GALNT6: variants seen among roughly 807,000 people sequenced by gnomAD.
The protein encoded by GALNT6 is GalNAc transferase 6.
A neutral mutation model predicts 65.9 loss-of-function variants in GALNT6; 51 were observed. That is an observed-to-expected ratio of 0.77 (90% CI 0.62 to 0.98). The LOEUF is 0.98. Ranked by LOEUF, GALNT6 falls within the 50% of genes least tolerant of loss-of-function variation. The probability of loss-of-function intolerance (pLI) is 0.00; values close to 1 mark genes in which losing one functional copy is unlikely to be tolerated. For missense variants in GALNT6, 708 were observed against 803.3 expected, an observed-to-expected ratio of 0.88 and a Z score of 1.43; for synonymous variants, 323 against 315.1, an observed-to-expected ratio of 1.02 and a Z score of -0.26.
chr12:51,357,189 T>C (rs1946773311), intron 10 of GALNT6, among the ~76,000 whole-genome samples, 160 bp downstream of exon 10: 1 of 152,120 alleles, frequency 6.6e-6, no homozygotes, highest in East Asian at 1.9e-4. Context: ...ATGTCCCTTA[T>C]TCAGACCTTG....
In GALNT6 at chr12:51,357,400, G is replaced by C; in HGVS notation, c.1551C>G (p.Arg517=). The change falls in exon 10 of 12, where the codon CGC becomes CGG. Residue 517 remains arginine, a synonymous_variant. Transcript: ENST00000356317. ...NQCLDVGENN[R]GGKPLIMYSC... ...AGTACATGATGAGGGGCTTCCCCCC[G>C]CGGTTGTTCTCACCCACATCCAGGC... 1 of 1,614,082 alleles carries C rather than the reference G, an allele frequency of 6.2e-7. No homozygotes were observed. Among genetic ancestry groups the C allele is most frequent in the Non-Finnish European group, 8.5e-7 (1 of 1,179,952 alleles).
At position 51,387,912 on chromosome 12, in the gene GALNT6, T is replaced by G. The variant is rs1947892924; in HGVS notation, c.-104+2938A>C. Among the ~76,000 whole-genome samples the G allele has an allele frequency of 6.6e-6, 1 of 152,060 alleles. No homozygotes were observed. The highest frequency in any genetic ancestry group is 2.4e-5 in the African/African-American group (1 of 41,406). Reference sequence around the variant, plus strand: ...GACTAGAATTGAATTTTTCCTTTTCTCCTCATCCCCCAGTCTGCTCTTGGC... The same window carrying G: ...GACTAGAATTGAATTTTTCCTTTTCGCCTCATCCCCCAGTCTGCTCTTGGC... On this transcript the variant is annotated intron_variant, in intron 2 of 11. Coordinates refer to ENST00000356317, the MANE Select transcript of GALNT6 (RefSeq NM_007210.4). The surrounding 1 kb of genome is among the most constrained non-coding windows in gnomAD (Gnocchi z 4.2).
intron 2 of GALNT6, among the ~76,000 whole-genome samples, chr12:51,389,260 G>A (rs1300452398): frequency 2.0e-5 from 3 of 152,200 alleles, no homozygotes; most frequent in Admixed American, 1.3e-4. Flanking sequence ...CTGAGATGTC[G>A]GAACACATCC....
At position 51,379,593 on chromosome 12, in the gene GALNT6, G is replaced by T; in HGVS notation, c.189C>A (p.Asn63Lys). The change falls in exon 3 of 12, where the codon AAC (asparagine) becomes AAA (lysine). Residue 63 changes from asparagine (N) to lysine (K), a missense_variant. Physicochemically the swap from Asn to Lys is moderately conservative, Grantham distance 94. Transcript: ENST00000356317. ...GGAGCTTGGGCATTGAATCTCTAAG[G>T]TTGTTCATGGCCTCCAGCATGAGGT... ...VLDLMLEAMNNLRDSMPKLQI... is the reference protein window; with the variant it reads ...VLDLMLEAMNKLRDSMPKLQI... 1 of 1,614,062 alleles carries T rather than the reference G, an allele frequency of 6.2e-7. No homozygotes were observed. The highest frequency in any genetic ancestry group is 1.1e-5 in the South Asian group (1 of 91,080).
chr12:51,390,163 T>C (rs1245150479), intron 2 of GALNT6, among the ~76,000 whole-genome samples: 9 of 112,660 alleles, frequency 8.0e-5, no homozygotes, highest in Non-Finnish European at 1.2e-4. Flanking sequence ...TTTCTTTTTT[T>C]TTTTTTTTTT....
intron 5 of GALNT6, 48 bp downstream of exon 5, chr12:51,365,382 A>G: frequency 6.5e-7 from 1 of 1,549,372 alleles, no homozygotes; most frequent in African/African-American, 1.4e-5. Context: ...TCATTCTAGC[A>G]GGGAGGGAGC....
At position 51,356,786 on chromosome 12, in the gene GALNT6, T is replaced by G. The variant is rs555084013; in HGVS notation, c.1602+563A>C. Among the ~76,000 whole-genome samples the G allele has an allele frequency of 2.0e-5, 3 of 152,320 alleles. No homozygotes were observed. In the East Asian group the frequency reaches 5.8e-4, roughly 29 times the overall value. ...TACATTACTATTAAAATAAAAAATG[T>G]TCTCCAGTGCACCACTGGAAATCAT... On this transcript the variant is annotated intron_variant, in intron 10 of 11. Coordinates refer to ENST00000356317, the MANE Select transcript of GALNT6 (RefSeq NM_007210.4).
intron 6 of GALNT6, among the ~76,000 whole-genome samples, chr12:51,362,584 G>C (rs1355503132): frequency 6.6e-6 from 1 of 151,850 alleles, no homozygotes; most frequent in Admixed American, 6.6e-5. Context: ...TGATGGGTGG[G>C]GGCCAGGTGC....
At chr12:51,381,240 A>T (rs1947662060) in intron 2 of GALNT6, among the ~76,000 whole-genome samples, 1 of 152,226 alleles carries the variant, frequency 6.6e-6, no homozygotes, top group African/African-American at 2.4e-5. Context: ...TCTGTCTTTA[A>T]AAATAAATAA....
chr12:51,389,899 C>G (rs1468613213), intron 2 of GALNT6, among the ~76,000 whole-genome samples: 1 of 152,176 alleles, frequency 6.6e-6, no homozygotes, highest in Non-Finnish European at 1.5e-5. Context: ...GCTGTTCCAC[C>G]CACTGTAGGA....
chr12:51,379,219 TG>T, intron 3 of GALNT6, 71 bp downstream of exon 3: 1 of 1,444,966 alleles, frequency 6.9e-7, no homozygotes, highest in Non-Finnish European at 9.3e-7. Context: ...CCTTGATCTA[TG>T]GCCCTGGCCA....
At chr12:51,358,970 G>A (rs1465805051) in intron 8 of GALNT6, among the ~76,000 whole-genome samples, 162 bp downstream of exon 8, 2 of 152,122 alleles carry the variant, frequency 1.3e-5, no homozygotes, top group Non-Finnish European at 2.9e-5. Context: ...AAACCTATGT[G>A]CCTTGTGGCC....
chr12:51,384,529 TA>T (rs34757412), intron 2 of GALNT6, among the ~76,000 whole-genome samples: 30,065 of 151,568 alleles, frequency 0.2, 3,509 homozygotes, highest in East Asian at 0.45. Flanking sequence ...CCTTCTCTAC[TA>T]AAAATACAAA....
At position 51,367,755 on chromosome 12, in the gene GALNT6, A is replaced by G. The variant is rs145245000; in HGVS notation, c.665-2176T>C. Among the ~76,000 whole-genome samples, 10 of 152,370 alleles carry G rather than the reference A, an allele frequency of 6.6e-5. No individual in the cohort carries two copies. The East Asian group carries it at 1.9e-3, about 29-fold the overall frequency. Reference sequence around the variant, plus strand: ...GATCTCCCACAAATGCACGCACACAATAACCCAGCACTGAGCTGGAGTGTG... The same window carrying G: ...GATCTCCCACAAATGCACGCACACAGTAACCCAGCACTGAGCTGGAGTGTG... On this transcript the variant is annotated intron_variant, in intron 4 of 11. Coordinates refer to ENST00000356317, the MANE Select transcript of GALNT6 (RefSeq NM_007210.4).
At position 51,379,668 on chromosome 12, in the gene GALNT6, T is replaced by G. The variant is rs1447489715; in HGVS notation, c.114A>C (p.Thr38=). ...CCAGGGACTTCAGCCACGGCTTCTC[T>G]GTGGCCTCCTCTCTGCTGCTCACAT... The part of the protein sequence containing the change: ...HRDVSSREEA[T]EKPWLKSLVS... The change falls in exon 3 of 12, where the codon ACA becomes ACC. Residue 38 remains threonine (T), a synonymous_variant. Coordinates refer to ENST00000356317, the MANE Select transcript of GALNT6 (RefSeq NM_007210.4). 3 of 1,614,088 alleles carry G rather than the reference T, an allele frequency of 1.9e-6. No homozygotes were observed.
At chr12:51,380,749 C>G (rs1421704431) in intron 2 of GALNT6, among the ~76,000 whole-genome samples, 2 of 152,072 alleles carry the variant, frequency 1.3e-5, no homozygotes, top group Non-Finnish European at 2.9e-5. Flanking sequence ...TAGGATCATG[C>G]CACTGCACTC....
chr12:51,365,991 C>T (rs1400373833), intron 4 of GALNT6, among the ~76,000 whole-genome samples: 1 of 152,200 alleles, frequency 6.6e-6, no homozygotes, highest in Non-Finnish European at 1.5e-5. Context: ...GATCTTGGCT[C>T]ACTGCAACCT....
rs561528938 is a variant in GALNT6 at position 51,369,570 on chromosome 12, GT to G, written c.665-3992del. Among the ~76,000 whole-genome samples the G allele has an allele frequency of 8.5e-5, 13 of 152,330 alleles. No individual in the cohort carries two copies. In the South Asian group the frequency reaches 2.5e-3, roughly 29 times the overall value. Reference sequence around the variant, plus strand: ...GATGCCAACACAGACACCGCACTCAGTTCCATGATCTGAAGTATCATGCAGA... The same window carrying G: ...GATGCCAACACAGACACCGCACTCAGTCCATGATCTGAAGTATCATGCAGA... On this transcript the variant is annotated intron_variant, in intron 4 of 11. Coordinates refer to ENST00000356317, the MANE Select transcript of GALNT6 (RefSeq NM_007210.4).
intron 4 of GALNT6, among the ~76,000 whole-genome samples, chr12:51,371,180 T>A (rs1187241275): frequency 6.6e-6 from 1 of 151,200 alleles, no homozygotes; most frequent in Non-Finnish European, 1.5e-5. Context: ...GCCTCCGGGG[T>A]TCAAGCAATT....
Sources: allele counts gnomAD v4.1 joint callset (sites outside exome capture counted in the v4.1 genomes callset), GRCh38; gene constraint gnomAD v4.1.1; non-coding constraint Gnocchi (gnomAD v3.1); transcripts MANE v1.5; gene names NCBI Gene and HGNC (gene_info 2026-07-23, HGNC 2026-07-21).